JMJD1C: variants seen among roughly 807,000 people sequenced by gnomAD.
JMJD1C encodes jumonji domain containing 1C.
JMJD1C carries 31 observed loss-of-function variants against 245.3 expected under a neutral mutation model. That is an observed-to-expected ratio of 0.13 (90% CI 0.09 to 0.17). The LOEUF (loss-of-function observed/expected upper bound fraction) is 0.17, where lower values mean the gene tolerates loss of function less well. Ranked by LOEUF, JMJD1C falls within the 10% of genes least tolerant of loss-of-function variation. The pLI is 1.00. For missense variants in JMJD1C, 2,691 were observed against 3,000.2 expected (o/e 0.90, Z 2.41); for synonymous variants, 1,057 against 1,017.4 (o/e 1.04, Z -0.74).
intron 1 of JMJD1C, among the ~76,000 whole-genome samples, chr10:63,433,231 G>A (rs1950874225): frequency 6.6e-6 from 1 of 151,554 alleles, no homozygotes; most frequent in Non-Finnish European, 1.5e-5. Flanking sequence ...CGAGTAGCTG[G>A]GATTACAGGA....
intron 2 of JMJD1C, among the ~76,000 whole-genome samples, chr10:63,324,129 T>A (rs1042183438): frequency 1.3e-5 from 2 of 150,976 alleles, no homozygotes; most frequent in East Asian, 3.9e-4. Context: ...CTCAGTCTAC[T>A]AGCTCAAATG....
intron 2 of JMJD1C, among the ~76,000 whole-genome samples, chr10:63,309,223 G>C (rs986162814): frequency 6.6e-6 from 1 of 151,906 alleles, no homozygotes; most frequent in African/African-American, 2.4e-5. Context: ...CTGGGCACGG[G>C]GGCTCATGCC....
rs140015201 is a variant in JMJD1C, at chr10:63,233,831, A to C, written c.448-13848T>G. ...ATATTACCAGTAATTTCTTTAGCTGAGTTATGAATAATCTACTTTGCTATG... is the reference window on the plus strand; with the variant it reads ...ATATTACCAGTAATTTCTTTAGCTGCGTTATGAATAATCTACTTTGCTATG... On this transcript the variant is annotated intron_variant, in intron 3 of 25. Coordinates refer to ENST00000399262, the MANE Select transcript of JMJD1C (RefSeq NM_032776.3). Among the ~76,000 whole-genome samples, 29 of 151,822 alleles carry C rather than the reference A, an allele frequency of 1.9e-4. No homozygotes were observed. The East Asian group carries it at 5.4e-3, about 28-fold the overall frequency.
chr10:63,249,696 T>TA (rs1025513577), intron 3 of JMJD1C, among the ~76,000 whole-genome samples: 1 of 151,622 alleles, frequency 6.6e-6, no homozygotes, highest in Non-Finnish European at 1.5e-5. Context: ...CCGTCTCTAC[T>TA]AAAAAATACA....
intron 3 of JMJD1C, among the ~76,000 whole-genome samples, chr10:63,261,559 C>T (rs935177378): frequency 2.0e-5 from 3 of 150,280 alleles, no homozygotes; most frequent in Non-Finnish European, 4.4e-5. Flanking sequence ...CCAGCCTGAG[C>T]GACAGAAAAA....
At chr10:63,300,546 T>C (rs147175018) in intron 2 of JMJD1C, among the ~76,000 whole-genome samples, 49 of 152,278 alleles carry the variant, frequency 3.2e-4, no homozygotes, top group African/African-American at 1.2e-3. Flanking sequence ...AATCTTCATA[T>C]CATGTGAACA....
In JMJD1C at chr10:63,329,810, T is replaced by C. The variant is rs931819871; in HGVS notation, c.333+50508A>G. 3.3e-5 allele frequency among the ~76,000 whole-genome samples: 5 copies of C among 152,244 alleles called. No individual in the cohort carries two copies. In the South Asian group the frequency reaches 1.0e-3, roughly 32 times the overall value. On this transcript the variant is annotated intron_variant, in intron 2 of 25. Coordinates refer to ENST00000399262, the MANE Select transcript of JMJD1C (RefSeq NM_032776.3). ...CCACAGCTCCCCGTCAGCCACACTATTACAAAGGGTAAACAACAGAAATTC... is the reference window on the plus strand; with the variant it reads ...CCACAGCTCCCCGTCAGCCACACTACTACAAAGGGTAAACAACAGAAATTC...
chr10:63,202,801 C>CT, intron 10 of JMJD1C: 3 of 984,120 alleles, frequency 3.0e-6, no homozygotes, highest in Non-Finnish European at 3.6e-6. Flanking sequence ...ATATTCAGAG[C>CT]TTTTACAAGT....
chr10:63,409,392 T>C (rs959929777), intron 1 of JMJD1C, among the ~76,000 whole-genome samples: 1 of 152,176 alleles, frequency 6.6e-6, no homozygotes, highest in African/African-American at 2.4e-5. Flanking sequence ...AAAGAGATTT[T>C]CAGGAGGTTT....
chr10:63,291,231 C>G (rs1284590032), intron 2 of JMJD1C, among the ~76,000 whole-genome samples: 2 of 143,692 alleles, frequency 1.4e-5, no homozygotes, highest in Admixed American at 1.4e-4. Flanking sequence ...TCGCTTGAAC[C>G]CGGGAGGCAG....
intron 10 of JMJD1C, among the ~76,000 whole-genome samples, chr10:63,205,585 G>A (rs2133128875): frequency 6.6e-6 from 1 of 152,308 alleles, no homozygotes; most frequent in South Asian, 2.1e-4. Flanking sequence ...GTATATGGGA[G>A]GATGTGTGTA....
chr10:63,350,373 A>T (rs1944249078), intron 2 of JMJD1C, among the ~76,000 whole-genome samples: 1 of 152,248 alleles, frequency 6.6e-6, no homozygotes, highest in African/African-American at 2.4e-5. Context: ...CTGATTAAAT[A>T]CCAACTACTG....
intron 1 of JMJD1C, among the ~76,000 whole-genome samples, chr10:63,518,752 A>G (rs1955107369): frequency 6.6e-6 from 1 of 152,186 alleles, no homozygotes; most frequent in African/African-American, 2.4e-5. Flanking sequence ...ACTGTCCCAC[A>G]CCTCTCTAGC....
At chr10:63,326,143 G>C (rs1385434938) in intron 2 of JMJD1C, among the ~76,000 whole-genome samples, 1 of 152,146 alleles carries the variant, frequency 6.6e-6, no homozygotes, top group Non-Finnish European at 1.5e-5. Flanking sequence ...ATTTGTAATT[G>C]ACGGGGAAGC....
In JMJD1C at chr10:63,191,078, A is replaced by T; in HGVS notation, c.6107T>A (p.Ile2036Asn). The T allele has an allele frequency of 1.2e-6, 2 of 1,613,886 alleles. No homozygotes were observed. Among genetic ancestry groups the T allele is most frequent in the Non-Finnish European group, 1.7e-6 (2 of 1,179,780 alleles). ...GTTGTCTTGTTCTCTTTCTTCTTTA[A>T]TTTGGTTTTCAAGGGTAAGTTCTTT... ...ENKELTLENQ[I>N]KEEREQDNSE... is the part of the protein sequence containing the mutation. Residue 2036 changes from isoleucine to asparagine, a missense_variant, in exon 17 of 26, where the codon ATT (isoleucine) becomes AAT (asparagine). Coordinates refer to ENST00000399262, the MANE Select transcript of JMJD1C (RefSeq NM_032776.3).
chr10:63,347,095 G>C (rs764252574), intron 2 of JMJD1C, among the ~76,000 whole-genome samples: 2 of 139,274 alleles, frequency 1.4e-5, no homozygotes, highest in Non-Finnish European at 3.0e-5. Flanking sequence ...TTTTGAGACA[G>C]AGTCTCACTC....
At chr10:63,308,456 T>G (rs2134030405) in intron 2 of JMJD1C, among the ~76,000 whole-genome samples, 1 of 152,096 alleles carries the variant, frequency 6.6e-6, no homozygotes, top group Admixed American at 6.6e-5. Flanking sequence ...CCTCTAAATT[T>G]AAAGGGTCCA....
intron 2 of JMJD1C, among the ~76,000 whole-genome samples, chr10:63,359,760 T>C (rs1282933228): frequency 1.3e-5 from 2 of 152,180 alleles, no homozygotes; most frequent in African/African-American, 4.8e-5. Flanking sequence ...ATATAGTTAT[T>C]GAAGAAAGTA....
chr10:63,198,402 T>A, intron 12 of JMJD1C, 111 bp downstream of exon 12: 1 of 689,184 alleles, frequency 1.5e-6, no homozygotes, highest in Non-Finnish European at 2.5e-6. Context: ...ATCATTATCA[T>A]AATTAAAAAT....
Sources: gnomAD v4.1 joint callset for allele counts (sites outside exome capture counted in the v4.1 genomes callset) on GRCh38, gnomAD v4.1.1 for gene constraint, MANE v1.5 for transcripts, NCBI Gene and HGNC (gene_info 2026-07-23, HGNC 2026-07-21) for gene names.